FBXO28: variants seen among roughly 807,000 people sequenced by gnomAD.
The protein encoded by FBXO28 is F-box protein 28.
In FBXO28, 8 loss-of-function variants were observed where a neutral mutation model predicts 38.1. The ratio of observed to expected loss-of-function variants is 0.21; its 90% CI spans 0.12 to 0.38. The LOEUF (loss-of-function observed/expected upper bound fraction) is 0.38. FBXO28 is among the 10% of genes least tolerant of loss of function. The pLI, the probability that FBXO28 is intolerant of heterozygous loss-of-function variation, is 1.00. For synonymous variants in FBXO28, 168 were observed against 173.8 expected (o/e 0.97, Z 0.26); for missense variants, 345 against 460.6 (o/e 0.75, Z 2.30).
At chr1:224,152,929 A>G (rs1431160127) in intron 3 of FBXO28, among the ~76,000 whole-genome samples, 1 of 19,412 alleles carries the variant, frequency 5.2e-5, no homozygotes, top group Non-Finnish European at 1.6e-4. Flanking sequence ...CTGTCTCAAA[A>G]AAAAAAAAAA....
intron 3 of FBXO28, among the ~76,000 whole-genome samples, chr1:224,140,894 C>T (rs1450799590): frequency 4.0e-5 from 6 of 149,208 alleles, no homozygotes; most frequent in Non-Finnish European, 7.4e-5. Context: ...TGCAGTGAGC[C>T]GAGATCGTAC....
At chr1:224,127,344 T>A (rs1213787818) in intron 1 of FBXO28, among the ~76,000 whole-genome samples, 3 of 152,082 alleles carry the variant, frequency 2.0e-5, no homozygotes, top group Non-Finnish European at 4.4e-5. Context: ...TTTTCCAGAA[T>A]TTTCTGAGGT....
At chr1:224,137,426 G>A (rs1001700300) in intron 3 of FBXO28, among the ~76,000 whole-genome samples, 2 of 151,662 alleles carry the variant, frequency 1.3e-5, no homozygotes, top group Non-Finnish European at 2.9e-5. Context: ...AGGAGACTGA[G>A]GCAGGAGAAT....
rs1331450233 is a variant in FBXO28 at position 224,161,609 on chromosome 1, A to G, written c.*3863A>G. ...CTAAATCTATGAACTGAGACTAGCA[A>G]TTAGTTGGCTGCTCCCTACCATGAT... On this transcript the variant is annotated 3_prime_UTR_variant, in exon 5 of 5. Coordinates refer to ENST00000366862, the MANE Select transcript of FBXO28 (RefSeq NM_015176.4). The G allele has an allele frequency of 6.6e-6, 1 of 152,210 alleles. No individual in the cohort carries two copies. The highest frequency in any genetic ancestry group is 1.5e-5 in the Non-Finnish European group (1 of 68,042). 9.4% of individuals were successfully genotyped at this position (152,210 alleles called of 1,614,324 possible).
intron 3 of FBXO28, among the ~76,000 whole-genome samples, chr1:224,152,092 A>G (rs1657661997): frequency 6.6e-6 from 1 of 152,102 alleles, no homozygotes; most frequent in Admixed American, 6.6e-5. Context: ...AGCCACAGGG[A>G]AGAATTAAGG....
chr1:224,119,599 TCGTC>T (rs1656726101), intron 1 of FBXO28, among the ~76,000 whole-genome samples: 1 of 152,184 alleles, frequency 6.6e-6, no homozygotes, highest in Non-Finnish European at 1.5e-5. Context: ...GTCCACTGTG[TCGTC>T]ATCAAGAGAA....
intron 2 of FBXO28, among the ~76,000 whole-genome samples, chr1:224,132,329 CT>C (rs1400184939): frequency 6.6e-6 from 1 of 152,154 alleles, no homozygotes; most frequent in African/African-American, 2.4e-5. Flanking sequence ...ATGAAAGGTG[CT>C]CAACATCATT....
intron 3 of FBXO28, among the ~76,000 whole-genome samples, chr1:224,152,084 C>G (rs140563688): frequency 2.6e-5 from 4 of 151,276 alleles, no homozygotes; most frequent in African/African-American, 9.7e-5. Context: ...TATTCTGAAG[C>G]CACAGGGAAG....
intron 3 of FBXO28, among the ~76,000 whole-genome samples, chr1:224,141,850 T>G (rs1657362154): frequency 1.3e-5 from 2 of 152,004 alleles, no homozygotes; most frequent in African/African-American, 4.8e-5. Context: ...CCTAGGACAT[T>G]ACTGTACACT....
Position 224,114,135 on chromosome 1 carries a change from G to T in FBXO28, c.6G>T (p.Ala2=). 6.5e-7 allele frequency: 1 copy of T among 1,539,406 alleles called. No homozygotes were observed. The highest frequency in any genetic ancestry group is 1.2e-5 in the South Asian group (1 of 82,492). The change falls in exon 1 of 5, where the codon GCG becomes GCT. Residue 2 remains alanine (A), a synonymous_variant. Transcript: ENST00000366862. ...TAAGGAATCAAGCCCCCAAGATGGCGGCAGCGGCGGAGGAGCGGATGGCAG... is the reference window on the plus strand; with the variant it reads ...TAAGGAATCAAGCCCCCAAGATGGCTGCAGCGGCGGAGGAGCGGATGGCAG... M[A]AAAEERMAEE...
At chr1:224,124,289 CAGTG>C (rs1656854707) in intron 1 of FBXO28, among the ~76,000 whole-genome samples, 4 of 152,192 alleles carry the variant, frequency 2.6e-5, no homozygotes, top group African/African-American at 9.7e-5. Flanking sequence ...TACAGTAGAA[CAGTG>C]AGTAACAGGA....
chr1:224,157,910 C>T lies in FBXO28; in HGVS notation c.*164C>T, dbSNP rs899120655. On this transcript the variant is annotated 3_prime_UTR_variant, in exon 5 of 5. Transcript: ENST00000366862. Reference sequence around the variant, plus strand: ...GTTGGGACATTCTTTTCCTGCTTCTCCTGATTGAACTGATGCACAGAATCT... The same window carrying T: ...GTTGGGACATTCTTTTCCTGCTTCTTCTGATTGAACTGATGCACAGAATCT... 1 of 1,417,476 alleles carries T rather than the reference C, an allele frequency of 7.1e-7. No individual in the cohort carries two copies. The highest frequency in any genetic ancestry group is 9.1e-7 in the Non-Finnish European group (1 of 1,092,982). The allele number at this position is 1,417,476 out of a possible 1,614,324, so 87.8% of individuals were successfully genotyped here.
In FBXO28 at chr1:224,159,719, T is replaced by C. The variant is rs1657854785; in HGVS notation, c.*1973T>C. 6.6e-6 allele frequency: 1 copy of C among 152,154 alleles called. No homozygotes were observed. The highest frequency in any genetic ancestry group is 1.5e-5 in the Non-Finnish European group (1 of 68,032). The allele number at this position is 152,154 out of a possible 1,614,324, so 9.4% of individuals were successfully genotyped here. ...CCGGTCATAGGAAGACTTTTTTTTT[T>C]ACGTATCAAAGCATGTGTTTACAGA... On this transcript the variant is annotated 3_prime_UTR_variant, in exon 5 of 5. Coordinates refer to ENST00000366862, the MANE Select transcript of FBXO28 (RefSeq NM_015176.4).
chr1:224,133,362 CTGAGT>C lies in FBXO28; in HGVS notation c.378-710_378-706del, dbSNP rs577584954. ...CCTCTTTAAGATAATTTTATTATGTCTGAGTTATTTCTTAAATTGCTAAAAAGTTT... is the reference window on the plus strand; with the variant it reads ...CCTCTTTAAGATAATTTTATTATGTCTATTTCTTAAATTGCTAAAAAGTTT... On this transcript the variant is annotated intron_variant, in intron 2 of 4. Coordinates refer to ENST00000366862, the MANE Select transcript of FBXO28 (RefSeq NM_015176.4). 4.2e-3 allele frequency among the ~76,000 whole-genome samples: 637 copies of C among 152,122 alleles called. 3 individuals are homozygous for C. The highest frequency in any genetic ancestry group is 6.8e-3 in the Non-Finnish European group (462 of 68,004).
At chr1:224,135,043 G>A (rs534052670) in intron 3 of FBXO28, among the ~76,000 whole-genome samples, 214 of 152,176 alleles carry the variant, frequency 1.4e-3, no homozygotes, top group African/African-American at 5.0e-3. Flanking sequence ...TTTATTTTTG[G>A]GGGGAATCCC....
chr1:224,133,194 T>C (rs1351847686), intron 2 of FBXO28, among the ~76,000 whole-genome samples: 2 of 152,164 alleles, frequency 1.3e-5, no homozygotes, highest in East Asian at 3.8e-4. Context: ...AGAAAGTAGA[T>C]TAGTATTGCC....
At chr1:224,122,854 A>G (rs1216035175) in intron 1 of FBXO28, among the ~76,000 whole-genome samples, 1 of 152,214 alleles carries the variant, frequency 6.6e-6, no homozygotes, top group Non-Finnish European at 1.5e-5. Context: ...AAGAAGTCCT[A>G]CCTTTTAGAG....
Position 224,125,651 on chromosome 1 carries a change from T to C in FBXO28, c.268-4821T>C, listed in dbSNP as rs148962545. ...GAAGGATACTCATTCTCTTTTTTTT[T>C]TTTTTTCTGACACGGAGTCTCGTTC... On this transcript the variant is annotated intron_variant, in intron 1 of 4. Coordinates refer to ENST00000366862, the MANE Select transcript of FBXO28 (RefSeq NM_015176.4). 1.3e-3 allele frequency among the ~76,000 whole-genome samples: 200 copies of C among 151,920 alleles called. 1 individual carries two copies. The highest frequency in any genetic ancestry group is 4.5e-3 in the African/African-American group (186 of 41,444).
intron 4 of FBXO28, among the ~76,000 whole-genome samples, chr1:224,155,831 G>A (rs1360329134): frequency 2.0e-5 from 3 of 152,184 alleles, no homozygotes; most frequent in Admixed American, 6.6e-5. Context: ...AGTGTAATAC[G>A]TGGTGTCTGC....
Sources: allele counts gnomAD v4.1 joint callset (sites outside exome capture counted in the v4.1 genomes callset), GRCh38; gene constraint gnomAD v4.1.1; transcripts MANE v1.5; gene names NCBI Gene and HGNC (gene_info 2026-07-23, HGNC 2026-07-21).